Variants in SHF observed in about 807,000 individuals in gnomAD.
The protein encoded by SHF is Src homology 2 domain containing F, also known as SH2 domain-containing adapter protein F.
Under a neutral mutation model 42.4 loss-of-function variants are expected in SHF, and 30 were observed. That is an observed-to-expected ratio of 0.71 (90% CI 0.53 to 0.96). SHF has a LOEUF of 0.96. Ranked by LOEUF, SHF falls within the 40% of genes least tolerant of loss-of-function variation. The probability of loss-of-function intolerance (pLI) is 0.00; values close to 1 mark genes in which losing one functional copy is unlikely to be tolerated. For synonymous variants in SHF, 264 were observed against 269.9 expected (o/e 0.98, Z 0.21); for missense variants, 598 against 634.0 (o/e 0.94, Z 0.61).
intron 6 of SHF, chr15:45,170,652 T>C (rs1044787708): frequency 4.8e-4 from 153 of 315,616 alleles, no homozygotes; most frequent in Middle Eastern, 1.1e-3. Context: ...TTTCTTTTTT[T>C]TTTTTTTTTT....
rs777144965 is a variant in SHF, at chr15:45,175,344, G to A, written c.722C>T (p.Thr241Ile). The change falls in exon 3 of 7, where the codon ACC becomes ATC. Residue 241 changes from threonine to isoleucine, a missense_variant. Thr to Ile is a moderately conservative substitution (Grantham distance 89). Around this residue, in one of 2 missense-constraint regions of SHF, gnomAD observed 439 missense variants for 524.6 expected, o/e 0.84. Transcript: ENST00000690270. ...CCAGGGGGCCCCCTCACCTTCCGCG[G>A]TGGCCCCATCCTCCTCTGGCTCATA... The part of the protein sequence containing the change: ...TPYEPEEDGA[T>I]AEGEGAPWPR... 5.0e-6 allele frequency: 8 copies of A among 1,598,944 alleles called. No homozygotes were observed. The highest frequency in any genetic ancestry group is 1.3e-5 in the African/African-American group (1 of 74,566).
chr15:45,169,039 G>A (rs550628216), intron 6 of SHF, among the ~76,000 whole-genome samples: 1 of 152,288 alleles, frequency 6.6e-6, no homozygotes, highest in South Asian at 2.1e-4. Flanking sequence ...CACAGGCAAG[G>A]GGTGAGGAAT....
chr15:45,180,402 T>C (rs189353545), intron 1 of SHF, among the ~76,000 whole-genome samples: 113 of 152,308 alleles, frequency 7.4e-4, no homozygotes, highest in Non-Finnish European at 1.3e-3. Context: ...CTTCGGTGAT[T>C]CTGTCAGTCG....
rs74011381 is a variant in SHF, at chr15:45,167,773, C to G, written c.*174G>C. Reference sequence around the variant, plus strand: ...CCCCAGCTCCAGACAACCCCTTACTCCAAGGCCCCAGGAGCCCTTTCCCTT... The same window carrying G: ...CCCCAGCTCCAGACAACCCCTTACTGCAAGGCCCCAGGAGCCCTTTCCCTT... On this transcript the variant is annotated 3_prime_UTR_variant, in exon 7 of 7. Coordinates refer to ENST00000690270, the MANE Select transcript of SHF (RefSeq NM_001394037.1). 55,423 of 534,070 alleles carry G rather than the reference C, an allele frequency of 0.1. 3,154 individuals carry two copies. Among genetic ancestry groups the G allele is most frequent in the South Asian group, 0.19 (3,006 of 15,514 alleles). The allele number at this position is 534,070 out of a possible 1,614,324, so 33.1% of individuals were successfully genotyped here.
chr15:45,184,161 C>G (rs1898266660), intron 1 of SHF, among the ~76,000 whole-genome samples: 1 of 152,202 alleles, frequency 6.6e-6, no homozygotes, highest in Non-Finnish European at 1.5e-5. Context: ...TTAATGAACA[C>G]TGGCTAAGAG....
At chr15:45,198,631 G>C (rs774646492) in intron 2 of SHF, 26 of 1,076,922 alleles carry the variant, frequency 2.4e-5, no homozygotes, top group Non-Finnish European at 3.1e-5. Context: ...TCGAACCGAG[G>C]TTGCTGCGGC....
chr15:45,167,892 C>T lies in SHF; in HGVS notation c.*55G>A. 7.0e-7 allele frequency: 1 copy of T among 1,421,498 alleles called. No homozygotes were observed. 88.1% of individuals were successfully genotyped at this position (1,421,498 alleles called of 1,614,324 possible). On this transcript the variant is annotated 3_prime_UTR_variant, in exon 7 of 7. Coordinates refer to ENST00000690270, the MANE Select transcript of SHF (RefSeq NM_001394037.1). The stretch of plus-strand genomic sequence containing the variant: ...CCTGGCAAGAGCCACAGCCCTCAGC[C>T]AGGTGATGGGCACAGGGCTGGGTAC...
intron 1 of SHF, among the ~76,000 whole-genome samples, chr15:45,199,341 C>T (rs1898990797): frequency 6.6e-6 from 1 of 152,182 alleles, no homozygotes; most frequent in South Asian, 2.1e-4. Flanking sequence ...AGTGCTCTCG[C>T]CCCCACGGCG....
At chr15:45,188,160 A>G (rs997153433), upstream of SHF, among the ~76,000 whole-genome samples, 1 of 152,096 alleles carries the variant, frequency 6.6e-6, no homozygotes, top group Non-Finnish European at 1.5e-5. Flanking sequence ...CACAGGCAAG[A>G]AGTGAAGTGG....
chr15:45,187,681 G>C lies in SHF; in HGVS notation c.271C>G (p.Pro91Ala). 1 of 1,219,550 alleles carries C rather than the reference G, an allele frequency of 8.2e-7. No individual in the cohort carries two copies. Among genetic ancestry groups the C allele is most frequent in the Non-Finnish European group, 1.0e-6 (1 of 978,034 alleles). 75.5% of individuals were successfully genotyped at this position (1,219,550 alleles called of 1,614,324 possible). The change falls in exon 1 of 7, where the codon CCG becomes GCG. Residue 91 changes from proline to alanine, a missense_variant. Coordinates refer to ENST00000690270, the MANE Select transcript of SHF (RefSeq NM_001394037.1). ...AGCCTGTAGGCGGCCAGGATGTCCGGGGGCGGCGCGGGGGGCGCGGCCGGA... is the reference window on the plus strand; with the variant it reads ...AGCCTGTAGGCGGCCAGGATGTCCGCGGGCGGCGCGGGGGGCGCGGCCGGA... Reference protein sequence around the residue: ...PSPAAPPAPPPDILAAYRLQR... With the variant: ...PSPAAPPAPPADILAAYRLQR...
intron 1 of SHF, chr15:45,200,425 G>C: frequency 4.3e-6 from 1 of 234,670 alleles, no homozygotes; most frequent in South Asian, 5.6e-5. Context: ...CCGTGACTCG[G>C]ATTCGAACCG....
chr15:45,199,202 A>G, intron 1 of SHF: 5 of 1,093,672 alleles, frequency 4.6e-6, no homozygotes, highest in Non-Finnish European at 6.3e-6. Flanking sequence ...CCAGCCTCTC[A>G]TACTCCCCTG....
At chr15:45,194,008 G>A (rs983080936) in intron 2 of SHF, among the ~76,000 whole-genome samples, 1 of 151,188 alleles carries the variant, frequency 6.6e-6, no homozygotes, top group East Asian at 2.0e-4. Flanking sequence ...AGGCTGAGGT[G>A]GGAGGATTGC....
chr15:45,173,455 CA>C, intron 4 of SHF, 120 bp downstream of exon 4: 1 of 1,379,106 alleles, frequency 7.3e-7, no homozygotes, highest in Non-Finnish European at 9.4e-7. Context: ...TCCTTCTTCC[CA>C]AATGAGATTC....
intron 6 of SHF, 41 bp from the exon 7 acceptor site, chr15:45,168,174 C>T: frequency 4.0e-6 from 6 of 1,502,292 alleles, no homozygotes; most frequent in African/African-American, 1.4e-5. Flanking sequence ...GGGGGCTCTC[C>T]TCAGCCCCCT....
At chr15:45,169,382 A>C (rs1897360922) in intron 6 of SHF, among the ~76,000 whole-genome samples, 1 of 152,196 alleles carries the variant, frequency 6.6e-6, no homozygotes, top group African/African-American at 2.4e-5. Flanking sequence ...GGAGCCTAGC[A>C]GACTGCTAGG....
chr15:45,200,245 G>A (rs1160898452), intron 1 of SHF: 3 of 158,940 alleles, frequency 1.9e-5, no homozygotes, highest in African/African-American at 7.2e-5. Flanking sequence ...CAGAGGACCC[G>A]GAAGCCTATA....
At chr15:45,188,723 C>T (rs1311822658), upstream of SHF, among the ~76,000 whole-genome samples, 1 of 152,238 alleles carries the variant, frequency 6.6e-6, no homozygotes, top group Non-Finnish European at 1.5e-5. Flanking sequence ...TGCGCACGCA[C>T]GCAGAAATCC....
Position 45,167,824 on chromosome 15 carries a change from T to C in SHF, c.*123A>G. The C allele has an allele frequency of 7.3e-6, 7 of 958,110 alleles. No homozygotes were observed. The highest frequency in any genetic ancestry group is 1.0e-5 in the Non-Finnish European group (7 of 692,696). 59.4% of individuals were successfully genotyped at this position (958,110 alleles called of 1,614,324 possible). A position where few individuals can be genotyped will look rare whatever the true frequency, so the allele number is the denominator to read the frequency against. ...TAGAATAAATTAAGGAATCTCCAGCTTCTACTGGATCCCAGGAGAAGAAAG... is the reference window on the plus strand; with the variant it reads ...TAGAATAAATTAAGGAATCTCCAGCCTCTACTGGATCCCAGGAGAAGAAAG... On this transcript the variant is annotated 3_prime_UTR_variant, in exon 7 of 7. Coordinates refer to ENST00000690270, the MANE Select transcript of SHF (RefSeq NM_001394037.1).
Sources: gnomAD v4.1 joint callset for allele counts (sites outside exome capture counted in the v4.1 genomes callset) on GRCh38, gnomAD v4.1.1 for gene constraint, gnomAD v4.1.1 regional missense constraint, MANE v1.5 for transcripts, NCBI Gene and HGNC (gene_info 2026-07-23, HGNC 2026-07-21) for gene names.